DOK5: variants seen among roughly 807,000 people sequenced by gnomAD.
DOK5 encodes the protein docking protein 5.
DOK5 carries 27 observed loss-of-function variants against 43.3 expected under a neutral mutation model. The observed-to-expected ratio is 0.62, with a 90% CI of 0.46 to 0.86. The LOEUF is 0.86. Among genes scored for constraint, DOK5 ranks in the 40% least tolerant of loss-of-function variants. DOK5 has a pLI of 0.00. For synonymous variants in DOK5, 146 were observed against 140.1 expected (o/e 1.04, Z -0.30); for missense variants, 373 against 392.9 (o/e 0.95, Z 0.43).
chr20:54,625,522 T>G (rs548158930), intron 6 of DOK5, among the ~76,000 whole-genome samples: 1 of 152,204 alleles, frequency 6.6e-6, no homozygotes, highest in Non-Finnish European at 1.5e-5. Flanking sequence ...ATGAGAAATA[T>G]GTAGAATTGT....
At chr20:54,526,377 A>G (rs904001848) in intron 1 of DOK5, among the ~76,000 whole-genome samples, 1 of 152,184 alleles carries the variant, frequency 6.6e-6, no homozygotes, top group African/African-American at 2.4e-5. Context: ...TAGCTAGTGA[A>G]TATTCAGGAA....
intron 6 of DOK5, among the ~76,000 whole-genome samples, chr20:54,622,487 T>G (rs904368878): frequency 6.6e-6 from 1 of 152,218 alleles, no homozygotes; most frequent in Non-Finnish European, 1.5e-5. Flanking sequence ...CTGCCTTAGC[T>G]TACACAGCTC....
intron 1 of DOK5, among the ~76,000 whole-genome samples, chr20:54,520,898 C>A: frequency 6.6e-6 from 1 of 152,122 alleles, no homozygotes; most frequent in Middle Eastern, 3.2e-3. Flanking sequence ...GTGTCTGCAT[C>A]CTTCTGTGAT....
intron 1 of DOK5, among the ~76,000 whole-genome samples, chr20:54,540,206 CATAG>C (rs1361509686): frequency 2.0e-5 from 3 of 152,000 alleles, no homozygotes; most frequent in Non-Finnish European, 4.4e-5. Flanking sequence ...GAGTGCTCTG[CATAG>C]ATAGTCTATC....
At chr20:54,637,856 C>T (rs1487305790) in intron 6 of DOK5, among the ~76,000 whole-genome samples, 2 of 152,238 alleles carry the variant, frequency 1.3e-5, no homozygotes, top group Admixed American at 6.5e-5. Context: ...GGCGCGGTGG[C>T]TCACGCCTGT....
intron 6 of DOK5, among the ~76,000 whole-genome samples, chr20:54,620,615 T>C (rs931785910): frequency 3.3e-5 from 5 of 152,224 alleles, no homozygotes; most frequent in African/African-American, 1.2e-4. Flanking sequence ...AGTGTAATTC[T>C]GTGGGTTCAA....
At chr20:54,633,886 GA>G (rs1869584088) in intron 6 of DOK5, among the ~76,000 whole-genome samples, 1 of 152,192 alleles carries the variant, frequency 6.6e-6, no homozygotes, top group African/African-American at 2.4e-5. Context: ...GACTGTCGCA[GA>G]AAACAATTAC....
chr20:54,626,334 T>C (rs1037516691), intron 6 of DOK5, among the ~76,000 whole-genome samples: 1 of 152,208 alleles, frequency 6.6e-6, no homozygotes, highest in African/African-American at 2.4e-5. Context: ...AATTGAGGGA[T>C]AATTAGAGTT....
chr20:54,536,193 TTGTG>T (rs1983956253), intron 1 of DOK5, among the ~76,000 whole-genome samples: 3 of 152,176 alleles, frequency 2.0e-5, no homozygotes, highest in Admixed American at 6.5e-5. Context: ...TGAGGTCAAT[TTGTG>T]GAGGCCTAGG....
chr20:54,488,027 A>C (rs980494480), intron 1 of DOK5, among the ~76,000 whole-genome samples: 5 of 152,226 alleles, frequency 3.3e-5, no homozygotes, highest in African/African-American at 1.2e-4. Context: ...ACTTTTAAGA[A>C]ATCATACTTC....
intron 2 of DOK5, among the ~76,000 whole-genome samples, chr20:54,561,222 C>G (rs1346566954): frequency 1.3e-5 from 2 of 152,298 alleles, no homozygotes; most frequent in South Asian, 4.1e-4. Context: ...CCTGGATGCA[C>G]TGGTCACAAT....
At chr20:54,560,355 C>G (rs1211690306) in intron 2 of DOK5, among the ~76,000 whole-genome samples, 1 of 152,058 alleles carries the variant, frequency 6.6e-6, no homozygotes, top group Non-Finnish European at 1.5e-5. Context: ...AAGCTTATGC[C>G]AAAGAGGACA....
In DOK5 at chr20:54,489,912, G is replaced by A. The variant is rs146385694; in HGVS notation, c.66+13900G>A. 1.4e-4 allele frequency among the ~76,000 whole-genome samples: 21 copies of A among 152,270 alleles called. No individual in the cohort carries two copies. The East Asian group carries it at 4.1e-3, about 29-fold the overall frequency. ...GAATTTCATGAAAGTTGCTTTGGAG[G>A]ATGTTCTCCAGCAGTGGACAAGAAA... On this transcript the variant is annotated intron_variant, in intron 1 of 7. Coordinates refer to ENST00000262593, the MANE Select transcript of DOK5 (RefSeq NM_018431.5).
At chr20:54,548,164 T>A (rs534635126) in intron 1 of DOK5, among the ~76,000 whole-genome samples, 2 of 152,198 alleles carry the variant, frequency 1.3e-5, no homozygotes, top group African/African-American at 4.8e-5. Context: ...GGTGAGCTAT[T>A]TCAACATGGA....
chr20:54,485,010 G>A (rs1172871329), intron 1 of DOK5, among the ~76,000 whole-genome samples: 3 of 152,124 alleles, frequency 2.0e-5, no homozygotes, highest in East Asian at 1.9e-4. Flanking sequence ...AGAGCAAGAT[G>A]AGACTCTGTC....
At chr20:54,611,052 T>C (rs1233088098) in intron 6 of DOK5, among the ~76,000 whole-genome samples, 1 of 152,150 alleles carries the variant, frequency 6.6e-6, no homozygotes, top group Non-Finnish European at 1.5e-5. Flanking sequence ...TTGGTAACTG[T>C]TGGAAATTAA....
chr20:54,513,864 G>A (rs1983100472), intron 1 of DOK5, among the ~76,000 whole-genome samples: 1 of 152,200 alleles, frequency 6.6e-6, no homozygotes, highest in Non-Finnish European at 1.5e-5. Context: ...TTTTAGCAGA[G>A]GAAGGGGCTG....
At chr20:54,485,501 G>A (rs1981897574) in intron 1 of DOK5, among the ~76,000 whole-genome samples, 1 of 152,104 alleles carries the variant, frequency 6.6e-6, no homozygotes, top group Non-Finnish European at 1.5e-5. Context: ...GCTGAGTAGT[G>A]TACCATGGTG....
intron 6 of DOK5, among the ~76,000 whole-genome samples, chr20:54,616,904 C>T (rs928141363): frequency 6.6e-6 from 1 of 151,672 alleles, no homozygotes; most frequent in African/African-American, 2.4e-5. Context: ...ATTCTCCTGC[C>T]TCAGCCTCCC....
Sources: gnomAD v4.1 joint callset for allele counts (sites outside exome capture counted in the v4.1 genomes callset) on GRCh38, gnomAD v4.1.1 for gene constraint, MANE v1.5 for transcripts, NCBI Gene and HGNC (gene_info 2026-07-23, HGNC 2026-07-21) for gene names.